CYP19A1: variants seen among roughly 807,000 people sequenced by gnomAD.
CYP19A1 encodes the protein aromatase.
Under a neutral mutation model 44.4 loss-of-function variants are expected in CYP19A1, and 32 were observed. That is an observed-to-expected ratio of 0.72 (90% CI 0.54 to 0.97). CYP19A1 has a LOEUF of 0.97. CYP19A1 is among the 50% of genes least tolerant of loss of function. The pLI is 0.00. For synonymous variants in CYP19A1, 212 were observed against 215.6 expected (o/e 0.98, Z 0.14); for missense variants, 598 against 637.8 (o/e 0.94, Z 0.67).
At chr15:51,281,614 A>G (rs903457133) in intron 1 of CYP19A1, among the ~76,000 whole-genome samples, 2 of 152,148 alleles carry the variant, frequency 1.3e-5, no homozygotes, top group Non-Finnish European at 2.9e-5. Flanking sequence ...GGAGGCAGGC[A>G]GTGAGGGGCA....
intron 1 of CYP19A1, chr15:51,338,002 G>A (rs1012384804): frequency 3.3e-5 from 5 of 152,204 alleles, no homozygotes; most frequent in Admixed American, 6.5e-5. Context: ...CCCAGCCCAC[G>A]GGGTGGCCAT....
chr15:51,216,023 T>C, intron 6 of CYP19A1: 7 of 1,064,334 alleles, frequency 6.6e-6, no homozygotes, highest in Non-Finnish European at 9.0e-6. Context: ...CAGAGTTAGC[T>C]AAGATTTCTG....
chr15:51,213,246 G>A (rs1303404142), intron 8 of CYP19A1, among the ~76,000 whole-genome samples: 1 of 152,168 alleles, frequency 6.6e-6, no homozygotes, highest in Non-Finnish European at 1.5e-5. Flanking sequence ...GACAAAATAG[G>A]TGCCTCAGAT....
intron 1 of CYP19A1, among the ~76,000 whole-genome samples, chr15:51,252,674 T>G (rs12050772): frequency 0.35 from 53,842 of 152,010 alleles, 10,976 homozygotes; most frequent in Non-Finnish European, 0.46. Context: ...AATCTCCAGG[T>G]TTCTGCCAAG....
At chr15:51,214,208 T>C (rs144812514) in intron 8 of CYP19A1, among the ~76,000 whole-genome samples, 123 of 152,344 alleles carry the variant, frequency 8.1e-4, no homozygotes, top group African/African-American at 2.9e-3. Flanking sequence ...AAGAAATGTG[T>C]TCCTAAAAGA....
chr15:51,308,738 A>G (rs1316999538), intron 1 of CYP19A1, among the ~76,000 whole-genome samples: 1 of 152,164 alleles, frequency 6.6e-6, no homozygotes, highest in Non-Finnish European at 1.5e-5. Context: ...CTAGTCTACA[A>G]TTTGCCAGCT....
At chr15:51,251,305 G>A (rs932423109) in intron 1 of CYP19A1, among the ~76,000 whole-genome samples, 2 of 152,132 alleles carry the variant, frequency 1.3e-5, no homozygotes, top group East Asian at 3.9e-4. Context: ...AGCCAGAGAG[G>A]CCCCCTGAAC....
intron 1 of CYP19A1, among the ~76,000 whole-genome samples, chr15:51,243,725 T>C (rs541121102): frequency 6.6e-6 from 1 of 152,268 alleles, no homozygotes; most frequent in South Asian, 2.1e-4. Flanking sequence ...CCACCAGCAA[T>C]AGGCTCAGGT....
chr15:51,215,779 T>C lies in CYP19A1; in HGVS notation c.782A>G (p.Glu261Gly). The change falls in exon 7 of 10, where the codon GAA becomes GGA. Residue 261 changes from glutamate (E) to glycine (G), a missense_variant. Transcript: ENST00000396402. Reference sequence around the variant, plus strand: ...TTCTGTGGAAATCCTGCGTCTTTTTTCTGCTATCAGAACTTCTATGGCATC... The same window carrying C: ...TTCTGTGGAAATCCTGCGTCTTTTTCCTGCTATCAGAACTTCTATGGCATC... ...LKDAIEVLIA[E>G]KRRRISTEEK... The C allele has an allele frequency of 6.2e-7, 1 of 1,614,026 alleles. No homozygotes were observed. The highest frequency in any genetic ancestry group is 8.5e-7 in the Non-Finnish European group (1 of 1,179,970).
intron 6 of CYP19A1, among the ~76,000 whole-genome samples, chr15:51,216,718 C>A (rs2031617259): frequency 6.6e-6 from 1 of 152,150 alleles, no homozygotes; most frequent in Admixed American, 6.5e-5. Context: ...GAATTACCAG[C>A]TGCATAAATA....
At chr15:51,298,662 C>T (rs2036048835) in intron 1 of CYP19A1, among the ~76,000 whole-genome samples, 1 of 152,244 alleles carries the variant, frequency 6.6e-6, no homozygotes, top group African/African-American at 2.4e-5. Context: ...ACATTCCCTT[C>T]CATGCCCATC....
chr15:51,255,287 C>T (rs1358142206), intron 1 of CYP19A1, among the ~76,000 whole-genome samples: 1 of 152,194 alleles, frequency 6.6e-6, no homozygotes. Context: ...TCAGTAAATT[C>T]CCACATGGTT....
intron 1 of CYP19A1, among the ~76,000 whole-genome samples, chr15:51,264,509 G>C (rs113458639): frequency 6.6e-6 from 1 of 151,092 alleles, no homozygotes. Context: ...GAGTAACGAC[G>C]GTCAAGGGAC....
chr15:51,220,293 C>T (rs1466960683), intron 5 of CYP19A1, among the ~76,000 whole-genome samples: 1 of 152,224 alleles, frequency 6.6e-6, no homozygotes, highest in African/African-American at 2.4e-5. Flanking sequence ...TGTCCTCTTG[C>T]CCTGCTTCAT....
rs2141029493 is a variant in CYP19A1, at chr15:51,210,734, A to C, written c.*74T>G. 4.1e-6 allele frequency: 4 copies of C among 975,144 alleles called. No individual in the cohort carries two copies. In the South Asian group the frequency reaches 5.1e-5, roughly 12 times the overall value. 60.4% of individuals were successfully genotyped at this position (975,144 alleles called of 1,614,324 possible). On this transcript the variant is annotated 3_prime_UTR_variant, in exon 10 of 10. Transcript: ENST00000396402. ...GAGTGTTCACTGTGAGGATGACACT[A>C]TTGGCAAGGATGGATGATTTGTATG...
At chr15:51,211,167 C>G (rs1010885056) in intron 9 of CYP19A1, 111 bp from the exon 10 acceptor site, 4 of 748,718 alleles carry the variant, frequency 5.3e-6, no homozygotes, top group Admixed American at 3.9e-5. Flanking sequence ...TTGGGGTTAT[C>G]AGCTACAATG....
At chr15:51,268,530 C>CCTT (rs1401890643) in intron 1 of CYP19A1, among the ~76,000 whole-genome samples, 1 of 125,728 alleles carries the variant, frequency 8.0e-6, no homozygotes. Context: ...CCCCCCCCCC[C>CCTT]TTTTTTTTTG....
chr15:51,283,284 T>A (rs1049216057), intron 1 of CYP19A1, among the ~76,000 whole-genome samples: 1 of 152,216 alleles, frequency 6.6e-6, no homozygotes, highest in African/African-American at 2.4e-5. Context: ...AATGGCCACC[T>A]CTTCTCTCTC....
At chr15:51,231,623 G>A (rs1469071077) in intron 3 of CYP19A1, among the ~76,000 whole-genome samples, 1 of 151,348 alleles carries the variant, frequency 6.6e-6, no homozygotes, top group Non-Finnish European at 1.5e-5. Context: ...AACCACACAT[G>A]CGCACACATG....
Sources: allele counts gnomAD v4.1 joint callset (sites outside exome capture counted in the v4.1 genomes callset), GRCh38; gene constraint gnomAD v4.1.1; transcripts MANE v1.5; gene names NCBI Gene and HGNC (gene_info 2026-07-23, HGNC 2026-07-21).